Variants in RHBDF2 observed in about 807,000 individuals in gnomAD.
The protein encoded by RHBDF2 is inactive rhomboid protein 2.
In RHBDF2, 38 loss-of-function variants were observed where a neutral mutation model predicts 95.2. That is an observed-to-expected ratio of 0.40 (90% CI 0.31 to 0.52). RHBDF2 has a LOEUF of 0.52. Ranked by LOEUF, RHBDF2 falls within the 20% of genes least tolerant of loss-of-function variation. The pLI is 0.56. For missense variants in RHBDF2, 863 were observed against 1,137.7 expected (o/e 0.76, Z 3.47); for synonymous variants, 442 against 462.0 (o/e 0.96, Z 0.55).
intron 1 of RHBDF2, among the ~76,000 whole-genome samples, chr17:76,500,693 C>T (rs1019970893): frequency 6.6e-6 from 1 of 152,198 alleles, no homozygotes; most frequent in Admixed American, 6.5e-5. Context: ...GGTCTGTACC[C>T]TAGGGAACTT....
At position 76,474,823 on chromosome 17, in the gene RHBDF2, AGAG is replaced by A; in HGVS notation, c.1228-22_1228-20del. 6.2e-7 allele frequency: 1 copy of A among 1,610,278 alleles called. No homozygotes were observed. The highest frequency in any genetic ancestry group is 8.5e-7 in the Non-Finnish European group (1 of 1,177,002). ...GCAGCACCTATCGTGGAGGTAGCAC[AGAG>A]GAGGGCGTCAGAACAGTGTGGGCCC... is the stretch of plus-strand genomic sequence containing the variant. On this transcript the variant is annotated intron_variant, in intron 10 of 18. Coordinates refer to ENST00000675367, the MANE Select transcript of RHBDF2 (RefSeq NM_001005498.4).
chr17:76,481,453 T>A lies in RHBDF2; in HGVS notation c.72A>T (p.Pro24=). The A allele has an allele frequency of 6.2e-7, 1 of 1,612,554 alleles. No homozygotes were observed. Among genetic ancestry groups the A allele is most frequent in the Non-Finnish European group, 8.5e-7 (1 of 1,179,928 alleles). ...GCGGGATGGTGATGGAGAGGTTGGG[T>A]GGCTTCCGGCTCTGCAGGCGGCTGC... ...VSSSRLQSRK[P]PNLSITIPPP... Residue 24 remains proline (P), a synonymous_variant, in exon 3 of 19, where the codon CCA becomes CCT. Transcript: ENST00000675367.
chr17:76,472,013 G>C lies in RHBDF2; in HGVS notation c.2104C>G (p.Leu702Val), dbSNP rs1462932591. 1 of 1,574,962 alleles carries C rather than the reference G, an allele frequency of 6.3e-7. No individual in the cohort carries two copies. The highest frequency in any genetic ancestry group is 1.2e-5 in the South Asian group (1 of 86,114). The change falls in exon 19 of 19, where the codon CTC becomes GTC. Residue 702 changes from leucine (L) to valine (V), a missense_variant. Transcript: ENST00000675367. ...CAGCTCTGGAAGAGCTCCACGAAGA[G>C]GCAGGCGAGGAGGCCGAACTGTGAG... is the stretch of plus-strand genomic sequence containing the variant. ...AGSQFGLLAC[L>V]FVELFQSWPL...
intron 3 of RHBDF2, 67 bp downstream of exon 3, chr17:76,481,308 G>A: frequency 6.5e-7 from 1 of 1,530,006 alleles, no homozygotes; most frequent in Non-Finnish European, 8.8e-7. Context: ...AAACTGACCA[G>A]AAAGTGTCAC....
intron 18 of RHBDF2, chr17:76,472,410 G>A (rs955095335): frequency 1.5e-5 from 9 of 592,346 alleles, no homozygotes; most frequent in East Asian, 5.8e-5. Flanking sequence ...ATTTCCTACC[G>A]CTCGACCTGC....
intron 17 of RHBDF2, 54 bp downstream of exon 17, chr17:76,472,951 C>A: frequency 1.2e-6 from 2 of 1,600,956 alleles, no homozygotes; most frequent in Non-Finnish European, 8.5e-7. Flanking sequence ...CCCAGGGGTC[C>A]GGCTGGGTGG....
intron 6 of RHBDF2, among the ~76,000 whole-genome samples, chr17:76,478,239 G>A (rs182876238): frequency 7.9e-5 from 12 of 152,180 alleles, no homozygotes; most frequent in South Asian, 6.2e-4. Context: ...ACATCAAACC[G>A]CCTGCTGCCC....
rs755457795 is a variant in RHBDF2, at chr17:76,479,257, C to T, written c.293G>A (p.Gly98Glu). The T allele has an allele frequency of 7.5e-6, 12 of 1,604,374 alleles. No homozygotes were observed. Among genetic ancestry groups the T allele is most frequent in the Non-Finnish European group, 1.0e-5 (12 of 1,178,766 alleles). Reference protein sequence around the residue: ...SIRKGAAQWFGVSGDWEGQRQ... With the variant: ...SIRKGAAQWFEVSGDWEGQRQ... ...CTGCCCCTCCCAGTCGCCGCTGACT[C>T]CAAACCACTGGGCTGCGCCCCTGCG... Residue 98 changes from glycine (G) to glutamate (E), a missense_variant, in exon 5 of 19, where the codon GGA becomes GAA. Physicochemically the swap from Gly to Glu is moderately conservative, Grantham distance 98. Around this residue, in one of 2 missense-constraint regions of RHBDF2, gnomAD observed 611 missense variants for 725.5 expected, o/e 0.84. Transcript: ENST00000675367.
In RHBDF2 at chr17:76,474,727, C is replaced by T. The variant is rs1173205454; in HGVS notation, c.1302+3G>A. On this transcript the variant is annotated splice_donor_region_variant and intron_variant, in intron 11 of 18. Coordinates refer to ENST00000675367, the MANE Select transcript of RHBDF2 (RefSeq NM_001005498.4). ...GATGATGTCCCCCAGCCTGGGCCCTCACCGAGCTGGGGCCAACCCAGAAGT... is the reference window on the plus strand; with the variant it reads ...GATGATGTCCCCCAGCCTGGGCCCTTACCGAGCTGGGGCCAACCCAGAAGT... The T allele has an allele frequency of 6.2e-7, 1 of 1,614,208 alleles. No individual in the cohort carries two copies. Among genetic ancestry groups the T allele is most frequent in the East Asian group, 2.2e-5 (1 of 44,884 alleles).
rs2144040706 is a variant in RHBDF2, at chr17:76,473,010, A to G, written c.1905T>C (p.His635=). The change falls in exon 17 of 19, where the codon CAT becomes CAC. Residue 635 remains histidine (H), a synonymous_variant. Coordinates refer to ENST00000675367, the MANE Select transcript of RHBDF2 (RefSeq NM_001005498.4). The stretch of plus-strand genomic sequence containing the variant: ...GGCAGTGAGGAGCCTCTTACCCAGC[A>G]TGTAGGAAGAGAGACAGCCAGAGCC... ...FYRLWLSLFL[H]AGVVHCLVSV... The G allele has an allele frequency of 6.2e-7, 1 of 1,613,538 alleles. No individual in the cohort carries two copies. The highest frequency in any genetic ancestry group is 2.2e-5 in the East Asian group (1 of 44,884).
Position 76,473,853 on chromosome 17 carries a change from T to C in RHBDF2, c.1624A>G (p.Ile542Val). The change falls in exon 14 of 19, where the codon ATC (isoleucine) becomes GTC (valine). Residue 542 changes from isoleucine to valine, a missense_variant. Physicochemically the swap from Ile to Val is conservative, Grantham distance 29 (BLOSUM62 3). This residue lies in a region of RHBDF2 where 252 missense variants were observed against 412.2 expected (regional missense o/e 0.61). Coordinates refer to ENST00000675367, the MANE Select transcript of RHBDF2 (RefSeq NM_001005498.4). ...GGGACACTCACCGGCCACTTAGTGA[T>C]GTCATCGGGCCAGATGTGGGCACCG... The part of the protein sequence containing the change: ...SSGAHIWPDD[I>V]TKWPICTEQA... 1 of 1,614,086 alleles carries C rather than the reference T, an allele frequency of 6.2e-7. No individual in the cohort carries two copies. Among genetic ancestry groups the C allele is most frequent in the South Asian group, 1.1e-5 (1 of 91,086 alleles).
At chr17:76,480,051 GTATATATATA>G (rs1188366686) in intron 3 of RHBDF2, 197 bp from the exon 4 acceptor site, 1 of 39,858 alleles carries the variant, frequency 2.5e-5, no homozygotes, top group Non-Finnish European at 5.0e-5. Flanking sequence ...GTTTGTATAT[GTATATATATA>G]TATATATATA....
chr17:76,475,212 C>T, intron 9 of RHBDF2, 71 bp from the exon 10 acceptor site: 1 of 1,161,184 alleles, frequency 8.6e-7, no homozygotes, highest in Non-Finnish European at 1.3e-6. Flanking sequence ...CACAGGGCCA[C>T]CCTGGCCTGG....
intron 5 of RHBDF2, 36 bp downstream of exon 5, chr17:76,479,046 G>T (rs1242972583): frequency 1.2e-6 from 2 of 1,611,890 alleles, no homozygotes; most frequent in African/African-American, 1.3e-5. Flanking sequence ...AGCCATTAGG[G>T]TCCCCACCCC....
intron 1 of RHBDF2, among the ~76,000 whole-genome samples, chr17:76,493,503 C>T (rs2074357567): frequency 1.4e-5 from 2 of 146,354 alleles, no homozygotes; most frequent in African/African-American, 5.1e-5. Flanking sequence ...TGGCTGGGGG[C>T]CTGGGGGCAG....
intron 2 of RHBDF2, among the ~76,000 whole-genome samples, chr17:76,484,843 C>T (rs749779225): frequency 5.9e-5 from 9 of 152,148 alleles, no homozygotes; most frequent in Non-Finnish European, 1.2e-4. Flanking sequence ...GCAATGGAGC[C>T]GGCAGCGCAT....
chr17:76,484,403 G>A (rs2074059478), intron 2 of RHBDF2, among the ~76,000 whole-genome samples: 1 of 152,106 alleles, frequency 6.6e-6, no homozygotes, highest in Non-Finnish European at 1.5e-5. Flanking sequence ...GAGCCCTTCA[G>A]CCAAGGGCGT....
At chr17:76,495,289 C>T (rs76635686) in intron 1 of RHBDF2, among the ~76,000 whole-genome samples, 3,152 of 152,330 alleles carry the variant, frequency 0.021, 42 homozygotes, top group Non-Finnish European at 0.033. Context: ...TGTGACCAGG[C>T]CATTTCCGTT....
At chr17:76,486,711 C>T (rs1018644258) in intron 2 of RHBDF2, among the ~76,000 whole-genome samples, 3 of 37,106 alleles carry the variant, frequency 8.1e-5, no homozygotes, top group Non-Finnish European at 1.7e-4. Context: ...GAGACCCTGT[C>T]TCAAAATATA....
Sources: allele counts gnomAD v4.1 joint callset (sites outside exome capture counted in the v4.1 genomes callset), GRCh38; gene constraint gnomAD v4.1.1; regional missense constraint gnomAD v4.1.1; transcripts MANE v1.5; gene names NCBI Gene and HGNC (gene_info 2026-07-23, HGNC 2026-07-21).